BID: variants seen among roughly 807,000 people sequenced by gnomAD.
BID encodes BH3-interacting domain death agonist.
In BID, 19 loss-of-function variants were observed where a neutral mutation model predicts 17.4. The observed-to-expected ratio is 1.09, with a 90% CI of 0.76 to 1.60. BID has a LOEUF of 1.60. Ranked by LOEUF, BID falls within the 40% of genes most tolerant of loss-of-function variation. BID has a pLI of 0.00. For missense variants in BID, 226 were observed against 256.0 expected, an observed-to-expected ratio of 0.88 and a Z score of 0.80; for synonymous variants, 108 against 102.8, an observed-to-expected ratio of 1.05 and a Z score of -0.31.
intron 1 of BID, among the ~76,000 whole-genome samples, chr22:17,766,801 AG>A (rs1340898945): frequency 1.3e-5 from 2 of 149,298 alleles, no homozygotes; most frequent in African/African-American, 4.9e-5. Flanking sequence ...TGTGTTAACC[AG>A]GATGGTCTGG....
chr22:17,763,024 G>A (rs2061652271), intron 1 of BID, among the ~76,000 whole-genome samples: 1 of 149,984 alleles, frequency 6.7e-6, no homozygotes, highest in South Asian at 2.1e-4. Flanking sequence ...CTACAGGCAT[G>A]CACCACCTCA....
chr22:17,735,318 CAG>C lies in BID; in HGVS notation c.*260_*261del. ...AATAAAGGCACCGTGTGTAGATTTA[CAG>C]ATGTGCAGATTCATGTGTGGATGAT... On this transcript the variant is annotated 3_prime_UTR_variant, in exon 6 of 6. Transcript: ENST00000622694. 2.2e-6 allele frequency: 1 copy of C among 463,236 alleles called. No homozygotes were observed. The highest frequency in any genetic ancestry group is 3.8e-6 in the Non-Finnish European group (1 of 261,068). 28.7% of individuals were successfully genotyped at this position (463,236 alleles called of 1,614,324 possible). A position where few individuals can be genotyped will look rare whatever the true frequency, so the allele number is the denominator to read the frequency against.
intron 1 of BID, among the ~76,000 whole-genome samples, chr22:17,771,300 C>T (rs559989285): frequency 8.5e-5 from 13 of 152,284 alleles, no homozygotes; most frequent in African/African-American, 1.9e-4. Context: ...GGGGTTTCAA[C>T]GTCTTAGTCA....
intron 1 of BID, among the ~76,000 whole-genome samples, chr22:17,761,718 G>A (rs1378178867): frequency 6.6e-6 from 1 of 152,134 alleles, no homozygotes; most frequent in Non-Finnish European, 1.5e-5. Flanking sequence ...ACAGGCATAA[G>A]CCACCGCACC....
chr22:17,741,679 T>C (rs2061460656), intron 3 of BID, among the ~76,000 whole-genome samples: 1 of 152,094 alleles, frequency 6.6e-6, no homozygotes, highest in Non-Finnish European at 1.5e-5. Context: ...GGTTTCACCA[T>C]CTTGGCTAGG....
At chr22:17,750,783 A>C (rs955027003) in intron 1 of BID, among the ~76,000 whole-genome samples, 2 of 151,982 alleles carry the variant, frequency 1.3e-5, no homozygotes, top group Non-Finnish European at 2.9e-5. Context: ...AGCCGAGATC[A>C]CGCCACTGCA....
At chr22:17,774,083 C>A (rs2061741737) in intron 1 of BID, 1 of 309,222 alleles carries the variant, frequency 3.2e-6, no homozygotes. Flanking sequence ...AATCCCCAGG[C>A]CACGTGGAGA....
intron 1 of BID, among the ~76,000 whole-genome samples, chr22:17,756,430 TTCTTCTTTCTTTC>T (rs1569047609): frequency 1.8e-5 from 1 of 55,884 alleles, no homozygotes; most frequent in East Asian, 2.7e-3. Flanking sequence ...CTTTCTTTCT[TTCTTCTTTCTTTC>T]TTTCTTTCTT....
At chr22:17,763,330 G>A (rs1216402270) in intron 1 of BID, among the ~76,000 whole-genome samples, 1 of 150,686 alleles carries the variant, frequency 6.6e-6, no homozygotes, top group African/African-American at 2.5e-5. Context: ...TGCAACCTTC[G>A]TCTCCTGGGT....
chr22:17,753,715 A>G (rs1284718402), intron 1 of BID, among the ~76,000 whole-genome samples: 2 of 152,232 alleles, frequency 1.3e-5, no homozygotes, highest in African/African-American at 4.8e-5. Context: ...TCACGCAGCC[A>G]GGAGTTCATG....
chr22:17,752,634 A>G (rs1486168327), intron 1 of BID, among the ~76,000 whole-genome samples: 2 of 151,912 alleles, frequency 1.3e-5, no homozygotes, highest in Admixed American at 6.6e-5. Flanking sequence ...CATTGTCACC[A>G]CTAAAGACAG....
chr22:17,758,865 C>G (rs13058045), intron 1 of BID, among the ~76,000 whole-genome samples: 1 of 152,098 alleles, frequency 6.6e-6, no homozygotes, highest in Non-Finnish European at 1.5e-5. Flanking sequence ...CTGAACTGTA[C>G]GCTTAAAAAT....
chr22:17,744,108 A>C, intron 2 of BID, 95 bp from the exon 3 acceptor site: 3 of 1,178,074 alleles, frequency 2.5e-6, no homozygotes, highest in Non-Finnish European at 3.7e-6. Flanking sequence ...AAAGAGCCTC[A>C]CAGGTCCCAG....
intron 1 of BID, among the ~76,000 whole-genome samples, chr22:17,750,765 T>C (rs1339816438): frequency 1.3e-5 from 2 of 151,374 alleles, no homozygotes; most frequent in Non-Finnish European, 2.9e-5. Context: ...GAGGGAGAGG[T>C]TGCAGTAAGC....
At chr22:17,738,697 C>T (rs535653301) in intron 4 of BID, among the ~76,000 whole-genome samples, 107 of 152,238 alleles carry the variant, frequency 7.0e-4, no homozygotes, top group Non-Finnish European at 1.2e-3. Flanking sequence ...GCCACTCCTG[C>T]GTTCTAGGCA....
chr22:17,739,922 C>G, intron 3 of BID: 1 of 747,122 alleles, frequency 1.3e-6, no homozygotes, highest in Non-Finnish European at 2.2e-6. Context: ...AGCCTGAGAG[C>G]CCCCATTCCT....
At position 17,749,465 on chromosome 22, in the gene BID, C is replaced by T. The variant is rs991249271; in HGVS notation, c.12+640G>A. 2.0e-5 allele frequency among the ~76,000 whole-genome samples: 3 copies of T among 152,198 alleles called. 1 individual carries two copies. The highest frequency in any genetic ancestry group is 2.9e-5 in the Non-Finnish European group (2 of 68,040). On this transcript the variant is annotated intron_variant, in intron 2 of 5. Coordinates refer to ENST00000622694, the MANE Select transcript of BID (RefSeq NM_001196.4). ...AAGTCACTGGGATTATGTGCCTAAG[C>T]CACCTCGCCCAGCTATGAAGGGAAA... is the stretch of plus-strand genomic sequence containing the variant.
At chr22:17,757,446 T>G (rs181414) in intron 1 of BID, among the ~76,000 whole-genome samples, 2 of 143,862 alleles carry the variant, frequency 1.4e-5, no homozygotes, top group African/African-American at 5.2e-5. Context: ...CAGTCGCTCA[T>G]GCCTGTAATC....
At chr22:17,759,101 C>T (rs2061615100) in intron 1 of BID, among the ~76,000 whole-genome samples, 1 of 151,542 alleles carries the variant, frequency 6.6e-6, no homozygotes, top group Non-Finnish European at 1.5e-5. Context: ...CGTGGTGGCG[C>T]ACACCTGTAG....
Sources: gnomAD v4.1 joint callset for allele counts (sites outside exome capture counted in the v4.1 genomes callset) on GRCh38, gnomAD v4.1.1 for gene constraint, MANE v1.5 for transcripts, NCBI Gene and HGNC (gene_info 2026-07-23, HGNC 2026-07-21) for gene names.